Variants in SGCZ observed in about 807,000 individuals in gnomAD.
SGCZ encodes the protein sarcoglycan zeta.
Under a neutral mutation model 41.3 loss-of-function variants are expected in SGCZ, and 40 were observed. That is an observed-to-expected ratio of 0.97 (90% CI 0.75 to 1.26). The LOEUF (loss-of-function observed/expected upper bound fraction) is 1.26, where lower values mean the gene tolerates loss of function less well. Ranked by LOEUF, SGCZ falls within the 50% of genes most tolerant of loss-of-function variation. The pLI is 0.00. For missense variants in SGCZ, 552 were observed against 369.8 expected, an observed-to-expected ratio of 1.49 and a Z score of -4.04; for synonymous variants, 206 against 137.5, an observed-to-expected ratio of 1.50 and a Z score of -3.49.
chr8:14,851,282 T>C (rs923263182), intron 1 of SGCZ, among the ~76,000 whole-genome samples: 13 of 134,624 alleles, frequency 9.7e-5, no homozygotes, highest in Non-Finnish European at 1.4e-4. Flanking sequence ...GGTAGGAGAA[T>C]GGCATGAACC....
At chr8:14,158,365 G>A (rs1803938701) in intron 5 of SGCZ, among the ~76,000 whole-genome samples, 1 of 152,024 alleles carries the variant, frequency 6.6e-6, no homozygotes. Context: ...GGATTAGCCA[G>A]GTATCCGGGT....
At chr8:14,331,592 G>C (rs951947245) in intron 2 of SGCZ, among the ~76,000 whole-genome samples, 1 of 152,024 alleles carries the variant, frequency 6.6e-6, no homozygotes, top group African/African-American at 2.4e-5. Context: ...CTAGGAATTT[G>C]ACCTCTAATT....
At chr8:14,986,775 G>A (rs905584615) in intron 1 of SGCZ, among the ~76,000 whole-genome samples, 1 of 151,996 alleles carries the variant, frequency 6.6e-6, no homozygotes, top group African/African-American at 2.4e-5. Context: ...GAAGCCTAAG[G>A]CAAACTTCTG....
chr8:14,445,890 A>T (rs1800418185), intron 2 of SGCZ, among the ~76,000 whole-genome samples: 1 of 152,130 alleles, frequency 6.6e-6, no homozygotes, highest in Non-Finnish European at 1.5e-5. Flanking sequence ...TCCTGCACTC[A>T]CTAACTCATG....
At chr8:15,178,555 T>C (rs1800067714) in intron 1 of SGCZ, among the ~76,000 whole-genome samples, 1 of 152,222 alleles carries the variant, frequency 6.6e-6, no homozygotes, top group Non-Finnish European at 1.5e-5. Flanking sequence ...GTTTATTGTA[T>C]AATAATACAT....
intron 1 of SGCZ, among the ~76,000 whole-genome samples, chr8:15,061,031 A>T (rs1021650533): frequency 6.6e-6 from 1 of 152,078 alleles, no homozygotes; most frequent in South Asian, 2.1e-4. Flanking sequence ...TCTTCCACAC[A>T]TTTCTACTGG....
At chr8:14,982,261 T>A (rs1337377993) in intron 1 of SGCZ, among the ~76,000 whole-genome samples, 3 of 152,184 alleles carry the variant, frequency 2.0e-5, no homozygotes, top group Admixed American at 6.5e-5. Flanking sequence ...CTCAAGGGAC[T>A]GAATGCAAAT....
intron 2 of SGCZ, among the ~76,000 whole-genome samples, chr8:14,441,917 A>C (rs1800282717): frequency 6.6e-6 from 1 of 152,160 alleles, no homozygotes; most frequent in Non-Finnish European, 1.5e-5. Flanking sequence ...GTATGATGTA[A>C]TTCTTTACTC....
intron 1 of SGCZ, among the ~76,000 whole-genome samples, chr8:15,199,776 A>C (rs1800838614): frequency 6.6e-6 from 1 of 152,202 alleles, no homozygotes; most frequent in Admixed American, 6.5e-5. Context: ...AATAAGCCTC[A>C]ATTAAAAAAT....
At chr8:14,588,791 A>C (rs1367820191) in intron 1 of SGCZ, among the ~76,000 whole-genome samples, 2 of 152,144 alleles carry the variant, frequency 1.3e-5, no homozygotes, top group African/African-American at 4.8e-5. Flanking sequence ...TTTTAATAAC[A>C]TGAAAATGTA....
chr8:14,772,980 C>A (rs2130401221), intron 1 of SGCZ, among the ~76,000 whole-genome samples: 1 of 152,216 alleles, frequency 6.6e-6, no homozygotes, highest in South Asian at 2.1e-4. Flanking sequence ...ATCTCTAGTT[C>A]TAGATCCCTG....
At chr8:14,211,131 CAA>C (rs959767545) in intron 4 of SGCZ, among the ~76,000 whole-genome samples, 5 of 152,292 alleles carry the variant, frequency 3.3e-5, no homozygotes, top group African/African-American at 1.2e-4. Flanking sequence ...CTGACCCTTT[CAA>C]AAGTTTTTCC....
chr8:14,260,848 C>CA, intron 3 of SGCZ, among the ~76,000 whole-genome samples: 3 of 152,062 alleles, frequency 2.0e-5, no homozygotes, highest in South Asian at 2.1e-4. Flanking sequence ...ATCTCAAGAA[C>CA]AAAAAACCAA....
chr8:14,778,396 T>C (rs1167080932), intron 1 of SGCZ, among the ~76,000 whole-genome samples: 1 of 152,184 alleles, frequency 6.6e-6, no homozygotes, highest in Non-Finnish European at 1.5e-5. Flanking sequence ...TAAAATCATA[T>C]GCATGAATTT....
intron 5 of SGCZ, among the ~76,000 whole-genome samples, chr8:14,164,061 G>A (rs1038031): frequency 0.97 from 147,985 of 152,156 alleles, 72,086 homozygotes; most frequent in East Asian, 1. Flanking sequence ...GTTGACTTTA[G>A]TGACCCCAAT....
intron 1 of SGCZ, among the ~76,000 whole-genome samples, chr8:14,626,725 A>G (rs1307655050): frequency 6.6e-6 from 1 of 152,164 alleles, no homozygotes; most frequent in Non-Finnish European, 1.5e-5. Flanking sequence ...ATTGCTAGCA[A>G]ATTCTAAGGC....
At chr8:15,214,311 T>C (rs934813600) in intron 1 of SGCZ, among the ~76,000 whole-genome samples, 1 of 152,138 alleles carries the variant, frequency 6.6e-6, no homozygotes, top group African/African-American at 2.4e-5. Context: ...CAAAACAGCC[T>C]GAAAAGCATA....
intron 5 of SGCZ, among the ~76,000 whole-genome samples, chr8:14,142,358 A>C (rs1803398117): frequency 6.6e-6 from 1 of 152,072 alleles, no homozygotes; most frequent in Non-Finnish European, 1.5e-5. Context: ...CATACACACA[A>C]ATTTTTTTTC....
chr8:14,400,674 C>T lies in SGCZ; in HGVS notation c.235-76470G>A, dbSNP rs144922645. Among the ~76,000 whole-genome samples, 125 of 152,212 alleles carry T rather than the reference C, an allele frequency of 8.2e-4. No homozygotes were observed. The East Asian group carries it at 0.02, about 25-fold the overall frequency. The stretch of plus-strand genomic sequence containing the variant: ...TTGCATGTCTTAAATATTTTATGAT[C>T]GTACTATCTTGTGCAATTTTTCTAA... On this transcript the variant is annotated intron_variant, in intron 2 of 7. Transcript: ENST00000382080.
Sources: gnomAD v4.1 joint callset for allele counts (sites outside exome capture counted in the v4.1 genomes callset) on GRCh38, gnomAD v4.1.1 for gene constraint, MANE v1.5 for transcripts, NCBI Gene and HGNC (gene_info 2026-07-23, HGNC 2026-07-21) for gene names.